Variants in TAB2 observed in about 807,000 individuals in gnomAD.
The protein encoded by TAB2 is TGF-beta-activated kinase 1 and MAP3K7-binding protein 2.
In TAB2, 3 loss-of-function variants were observed where a neutral mutation model predicts 65.0. That is an observed-to-expected ratio of 0.05 (90% CI 0.02 to 0.12). The LOEUF (loss-of-function observed/expected upper bound fraction) is 0.12. Among genes scored for constraint, TAB2 ranks in the 10% least tolerant of loss-of-function variants. The probability of loss-of-function intolerance (pLI) is 1.00; values close to 1 mark genes in which losing one functional copy is unlikely to be tolerated. For missense variants in TAB2, 623 were observed against 840.3 expected, an observed-to-expected ratio of 0.74 and a Z score of 3.20; for synonymous variants, 298 against 285.1, an observed-to-expected ratio of 1.05 and a Z score of -0.46.
At chr6:149,379,542 A>T in intron 3 of TAB2, 24 bp downstream of exon 3, 1 of 1,610,804 alleles carries the variant, frequency 6.2e-7, no homozygotes, top group Non-Finnish European at 8.5e-7. Context: ...TAAAGGTGGG[A>T]TGGTTTTCCA....
intron 1 of TAB2, among the ~76,000 whole-genome samples, chr6:149,364,941 GA>G: frequency 6.6e-6 from 1 of 151,730 alleles, no homozygotes; most frequent in Non-Finnish European, 1.5e-5. Flanking sequence ...TAGTTACTAA[GA>G]AATCAAAAAT....
chr6:149,325,166 T>G (rs1244709249), intron 1 of TAB2, among the ~76,000 whole-genome samples: 1 of 152,198 alleles, frequency 6.6e-6, no homozygotes, highest in Non-Finnish European at 1.5e-5. Flanking sequence ...TGAGCCCAAG[T>G]TCAAACCTGA....
upstream of TAB2, among the ~76,000 whole-genome samples, chr6:149,313,314 T>C (rs1394695736): frequency 6.6e-6 from 1 of 151,932 alleles, no homozygotes; most frequent in East Asian, 1.9e-4. Context: ...CAGCTCTCTC[T>C]CTCCACAGCT....
Position 149,378,971 on chromosome 6 carries a change from C to G in TAB2, c.1056C>G (p.Ser352=). 1.9e-6 allele frequency: 3 copies of G among 1,614,202 alleles called. No individual in the cohort carries two copies. Among genetic ancestry groups the G allele is most frequent in the Non-Finnish European group, 2.5e-6 (3 of 1,180,042 alleles). Residue 352 remains serine, a synonymous_variant, in exon 3 of 7, where the codon TCC becomes TCG. Transcript: ENST00000637181. Reference sequence around the variant, plus strand: ...CTGGACCTCGAACCTCCAGCACTTCCTCTTCAGTCAATAGCCAGACCTTAA... The same window carrying G: ...CTGGACCTCGAACCTCCAGCACTTCGTCTTCAGTCAATAGCCAGACCTTAA... ...RSSGPRTSST[S]SSVNSQTLNR...
At chr6:149,260,107 G>A (rs1778121218) in intron 1 of TAB2, among the ~76,000 whole-genome samples, 1 of 152,146 alleles carries the variant, frequency 6.6e-6, no homozygotes, top group Non-Finnish European at 1.5e-5. Flanking sequence ...TTCTGGGAAG[G>A]GATAGTTGGA....
intron 1 of TAB2, among the ~76,000 whole-genome samples, chr6:149,351,346 TTTG>T (rs763681779): frequency 1.3e-5 from 2 of 152,182 alleles, no homozygotes; most frequent in Non-Finnish European, 2.9e-5. Context: ...CCTGTAAGGT[TTTG>T]TTCCTTTGCA....
intron 1 of TAB2, among the ~76,000 whole-genome samples, chr6:149,242,046 G>A (rs1208429235): frequency 6.6e-6 from 1 of 152,124 alleles, no homozygotes; most frequent in African/African-American, 2.4e-5. Flanking sequence ...GTGCCATTGG[G>A]CTCCAGCTTC....
chr6:149,400,380 C>G (rs1343152837), intron 6 of TAB2: 2 of 1,613,106 alleles, frequency 1.2e-6, no homozygotes, highest in South Asian at 1.1e-5. Context: ...TGAGGAGACT[C>G]CGGTGTTCAC....
intron 1 of TAB2, among the ~76,000 whole-genome samples, chr6:149,363,300 C>T (rs1001216505): frequency 1.4e-4 from 21 of 151,952 alleles, no homozygotes; most frequent in African/African-American, 5.1e-4. Flanking sequence ...GAGAAATTCG[C>T]CCCTATGATT....
intron 1 of TAB2, among the ~76,000 whole-genome samples, chr6:149,250,318 C>G (rs1030075783): frequency 3.5e-5 from 5 of 144,136 alleles, no homozygotes; most frequent in Non-Finnish European, 7.6e-5. Context: ...TTTTTTTTTT[C>G]TTTTGAGAAG....
intron 1 of TAB2, among the ~76,000 whole-genome samples, chr6:149,223,260 G>A (rs559033408): frequency 6.6e-4 from 101 of 152,330 alleles, no homozygotes; most frequent in African/African-American, 2.4e-3. Context: ...TTTCTGTGGT[G>A]GAATTTGGTT....
intron 1 of TAB2, among the ~76,000 whole-genome samples, chr6:149,269,616 CT>C (rs1200323694): frequency 6.6e-6 from 1 of 152,184 alleles, no homozygotes; most frequent in Non-Finnish European, 1.5e-5. Flanking sequence ...ACCCCAGCCC[CT>C]GGCAACCATT....
At chr6:149,271,177 CA>C (rs1350699738) in intron 1 of TAB2, among the ~76,000 whole-genome samples, 2 of 152,010 alleles carry the variant, frequency 1.3e-5, no homozygotes, top group Non-Finnish European at 2.9e-5. Context: ...CACTGTACTC[CA>C]GCCTGAGTGA....
At chr6:149,258,454 C>T in intron 1 of TAB2, among the ~76,000 whole-genome samples, 1 of 142,254 alleles carries the variant, frequency 7.0e-6, no homozygotes, top group Non-Finnish European at 1.5e-5. Flanking sequence ...CACACACACA[C>T]TTCTCACATA....
chr6:149,316,905 C>T (rs1364631469), upstream of TAB2, among the ~76,000 whole-genome samples: 1 of 152,036 alleles, frequency 6.6e-6, no homozygotes, highest in Non-Finnish European at 1.5e-5. Flanking sequence ...ACCCTAGGGA[C>T]GATTCTGCAC....
chr6:149,298,954 G>A (rs1778924661), intron 1 of TAB2, among the ~76,000 whole-genome samples: 1 of 152,156 alleles, frequency 6.6e-6, no homozygotes, highest in Admixed American at 6.5e-5. Flanking sequence ...TGTTAATTTT[G>A]AATTAAAAAC....
intron 1 of TAB2, among the ~76,000 whole-genome samples, chr6:149,302,335 T>C (rs1583073294): frequency 6.6e-6 from 1 of 152,338 alleles, no homozygotes; most frequent in East Asian, 1.9e-4. Context: ...TTCAGTTCAT[T>C]TTCCAGGTTT....
intron 1 of TAB2, among the ~76,000 whole-genome samples, chr6:149,312,214 A>G (rs1307482027): frequency 1.3e-5 from 2 of 152,224 alleles, no homozygotes; most frequent in African/African-American, 2.4e-5. Flanking sequence ...CACACAACAC[A>G]TACATACCAC....
intron 1 of TAB2, among the ~76,000 whole-genome samples, chr6:149,225,137 C>T (rs1777241958): frequency 1.3e-5 from 2 of 152,230 alleles, no homozygotes; most frequent in African/African-American, 4.8e-5. Flanking sequence ...GACACTGACT[C>T]TGCTTTCAGG....
Sources: gnomAD v4.1 joint callset for allele counts (sites outside exome capture counted in the v4.1 genomes callset) on GRCh38, gnomAD v4.1.1 for gene constraint, MANE v1.5 for transcripts, NCBI Gene and HGNC (gene_info 2026-07-23, HGNC 2026-07-21) for gene names.